ST6GALNAC3: variants seen among roughly 807,000 people sequenced by gnomAD.
ST6GALNAC3 encodes the protein ST6 N-acetylgalactosaminide alpha-2,6-sialyltransferase 3.
Under a neutral mutation model 32.7 loss-of-function variants are expected in ST6GALNAC3, and 25 were observed. That is an observed-to-expected ratio of 0.76 (90% CI 0.56 to 1.07). The LOEUF (loss-of-function observed/expected upper bound fraction) is 1.07, where lower values mean the gene tolerates loss of function less well. Ranked by LOEUF, ST6GALNAC3 falls within the 50% of genes least tolerant of loss-of-function variation. The probability of loss-of-function intolerance (pLI) is 0.00; values close to 1 mark genes in which losing one functional copy is unlikely to be tolerated. For missense variants in ST6GALNAC3, 355 were observed against 382.4 expected (o/e 0.93, Z 0.60); for synonymous variants, 129 against 133.1 (o/e 0.97, Z 0.21).
intron 1 of ST6GALNAC3, among the ~76,000 whole-genome samples, chr1:76,133,502 G>A (rs1227947554): frequency 6.6e-6 from 1 of 152,164 alleles, no homozygotes; most frequent in African/African-American, 2.4e-5. Context: ...ATGACCCATT[G>A]GCCCAAGTCA....
chr1:76,334,329 C>G (rs1051915563), intron 2 of ST6GALNAC3, among the ~76,000 whole-genome samples: 29 of 152,274 alleles, frequency 1.9e-4, no homozygotes, highest in African/African-American at 7.0e-4. Flanking sequence ...TGTTAATTAT[C>G]CTTCCCTGAG....
rs1010675655 is a variant in ST6GALNAC3 at position 76,263,082 on chromosome 1, A to G, written c.19-50723A>G. 6.6e-5 allele frequency among the ~76,000 whole-genome samples: 10 copies of G among 152,290 alleles called. No homozygotes were observed. The South Asian group carries it at 1.2e-3, about 19-fold the overall frequency. On this transcript the variant is annotated intron_variant, in intron 1 of 4. Coordinates refer to ENST00000328299, the MANE Select transcript of ST6GALNAC3 (RefSeq NM_152996.4). ...ATCTTTAATCTTATGACTATAGAGAATGAATATTTTCAGGTGACTCAGTTC... is the reference window on the plus strand; with the variant it reads ...ATCTTTAATCTTATGACTATAGAGAGTGAATATTTTCAGGTGACTCAGTTC...
At chr1:76,597,181 C>A (rs1470737419) in intron 3 of ST6GALNAC3, among the ~76,000 whole-genome samples, 1 of 152,126 alleles carries the variant, frequency 6.6e-6, no homozygotes, top group Non-Finnish European at 1.5e-5. Flanking sequence ...TAGGGAGAAA[C>A]TAACAAAATA....
intron 3 of ST6GALNAC3, among the ~76,000 whole-genome samples, chr1:76,594,255 G>A (rs1321192944): frequency 6.6e-6 from 1 of 152,076 alleles, no homozygotes; most frequent in Non-Finnish European, 1.5e-5. Flanking sequence ...TAGAGACATA[G>A]CAGTCTCATC....
intron 1 of ST6GALNAC3, among the ~76,000 whole-genome samples, chr1:76,281,408 C>T (rs1659491459): frequency 6.6e-6 from 1 of 152,238 alleles, no homozygotes; most frequent in East Asian, 1.9e-4. Flanking sequence ...TGGATTGCAG[C>T]CCCAGTGCTT....
At chr1:76,600,517 C>T (rs1647207226) in intron 3 of ST6GALNAC3, among the ~76,000 whole-genome samples, 1 of 152,086 alleles carries the variant, frequency 6.6e-6, no homozygotes. Flanking sequence ...TAAGACAGGA[C>T]CCTGCTCATT....
chr1:76,184,356 T>C (rs1342144704), intron 1 of ST6GALNAC3, among the ~76,000 whole-genome samples: 2 of 152,054 alleles, frequency 1.3e-5, no homozygotes, highest in Non-Finnish European at 2.9e-5. Context: ...CTGGCCAACA[T>C]AGTGAAACCC....
At chr1:76,354,418 A>T (rs1649272800) in intron 2 of ST6GALNAC3, among the ~76,000 whole-genome samples, 1 of 152,162 alleles carries the variant, frequency 6.6e-6, no homozygotes, top group African/African-American at 2.4e-5. Flanking sequence ...TTCACAATGC[A>T]CATGTTCTCA....
chr1:76,627,215 C>T (rs768264898), intron 3 of ST6GALNAC3, among the ~76,000 whole-genome samples: 45 of 151,938 alleles, frequency 3.0e-4, no homozygotes, highest in Non-Finnish European at 4.9e-4. Context: ...TTCTCTTCCA[C>T]ACAACATAGC....
At chr1:76,459,930 A>G (rs1204994304) in intron 3 of ST6GALNAC3, among the ~76,000 whole-genome samples, 1 of 152,164 alleles carries the variant, frequency 6.6e-6, no homozygotes, top group Non-Finnish European at 1.5e-5. Flanking sequence ...GGCTACTGTG[A>G]GTAGCGTTGT....
intron 1 of ST6GALNAC3, among the ~76,000 whole-genome samples, chr1:76,295,516 G>A (rs114723024): frequency 7.9e-5 from 12 of 152,144 alleles, no homozygotes; most frequent in African/African-American, 2.6e-4. Context: ...GAATAAAATC[G>A]ACATTTATTG....
At chr1:76,088,766 C>T (rs1486570614) in intron 1 of ST6GALNAC3, among the ~76,000 whole-genome samples, 8 of 152,188 alleles carry the variant, frequency 5.3e-5, no homozygotes, top group South Asian at 2.1e-4. Context: ...TTTTGCTTAT[C>T]GCTGTGTATC....
intron 1 of ST6GALNAC3, among the ~76,000 whole-genome samples, chr1:76,254,045 C>T (rs1416860794): frequency 6.6e-6 from 1 of 152,096 alleles, no homozygotes; most frequent in African/African-American, 2.4e-5. Context: ...TTTGGATTTT[C>T]ATTCTGGTAA....
intron 2 of ST6GALNAC3, among the ~76,000 whole-genome samples, chr1:76,403,571 A>C (rs1410360095): frequency 6.6e-6 from 1 of 152,104 alleles, no homozygotes; most frequent in Non-Finnish European, 1.5e-5. Flanking sequence ...CCATCCTCAG[A>C]AATTGTCTGT....
intron 3 of ST6GALNAC3, among the ~76,000 whole-genome samples, chr1:76,539,281 A>C (rs1663832566): frequency 6.6e-6 from 1 of 152,228 alleles, no homozygotes; most frequent in African/African-American, 2.4e-5. Flanking sequence ...TCTCCTATTC[A>C]ATAAATGGTG....
At chr1:76,521,648 G>A (rs1294283695) in intron 3 of ST6GALNAC3, among the ~76,000 whole-genome samples, 2 of 151,846 alleles carry the variant, frequency 1.3e-5, no homozygotes, top group African/African-American at 4.8e-5. Context: ...ATTTCCTTTA[G>A]TACAGTCCTA....
At chr1:76,488,862 A>G (rs958947921) in intron 3 of ST6GALNAC3, among the ~76,000 whole-genome samples, 23 of 152,322 alleles carry the variant, frequency 1.5e-4, no homozygotes, top group African/African-American at 4.6e-4. Flanking sequence ...CACGCTGGCC[A>G]TTGACTGTCC....
chr1:76,615,548 T>A (rs534428693), intron 3 of ST6GALNAC3, among the ~76,000 whole-genome samples: 3 of 152,228 alleles, frequency 2.0e-5, no homozygotes, highest in Non-Finnish European at 4.4e-5. Flanking sequence ...GAAAGCAAGT[T>A]TGCTGGGTGG....
At chr1:76,107,825 C>T (rs1490809593) in intron 1 of ST6GALNAC3, among the ~76,000 whole-genome samples, 1 of 152,192 alleles carries the variant, frequency 6.6e-6, no homozygotes, top group African/African-American at 2.4e-5. Context: ...CCTCTCTCTA[C>T]ACCCAATGTA....
Sources: allele counts gnomAD v4.1 joint callset (sites outside exome capture counted in the v4.1 genomes callset), GRCh38; gene constraint gnomAD v4.1.1; transcripts MANE v1.5; gene names NCBI Gene and HGNC (gene_info 2026-07-23, HGNC 2026-07-21).